ZYX: variants seen among roughly 807,000 people sequenced by gnomAD.
ZYX encodes zyxin-2.
In ZYX, 37 loss-of-function variants were observed where a neutral mutation model predicts 58.1. The ratio of observed to expected loss-of-function variants is 0.64; its 90% confidence interval spans 0.49 to 0.84. ZYX has a LOEUF of 0.84. Ranked by LOEUF, ZYX falls within the 40% of genes least tolerant of loss-of-function variation. The pLI, the probability that ZYX is intolerant of heterozygous loss-of-function variation, is 0.00. For missense variants in ZYX, 762 were observed against 761.6 expected, an observed-to-expected ratio of 1.00 and a Z score of -0.01; for synonymous variants, 324 against 321.1, an observed-to-expected ratio of 1.01 and a Z score of -0.10.
In ZYX at chr7:143,388,785, A is replaced by G. The variant is rs1421883916; in HGVS notation, c.1333A>G (p.Asn445Asp). 1 of 1,613,770 alleles carries G rather than the reference A, an allele frequency of 6.2e-7. No individual in the cohort carries two copies. The highest frequency in any genetic ancestry group is 8.5e-7 in the Non-Finnish European group (1 of 1,179,824). ...TCCTCAGGACACCCTGGAGAAGTGTAACACCTGCGGGGAGCCCATCACTGA... is the reference window on the plus strand; with the variant it reads ...TCCTCAGGACACCCTGGAGAAGTGTGACACCTGCGGGGAGCCCATCACTGA... ...GCYTDTLEKC[N>D]TCGEPITDRM... is the part of the protein sequence containing the mutation. The change falls in exon 8 of 10, where the codon AAC becomes GAC. Residue 445 changes from asparagine (N) to aspartate (D), a missense_variant. Transcript: ENST00000322764. This position sits in a 1 kb window ranked among gnomAD's most constrained non-coding sequence, Gnocchi z 7.5.
chr7:143,390,722 T>G lies in ZYX; in HGVS notation c.*40T>G. ...TCTTCAGACCGCAGTCCATGCCCCA[T>G]TGTGGACCACCCACACTGAGACCAC... On this transcript the variant is annotated 3_prime_UTR_variant, in exon 10 of 10. Transcript: ENST00000322764. This position sits in a 1 kb window ranked among gnomAD's most constrained non-coding sequence, Gnocchi z 4.3. 6.8e-7 allele frequency: 1 copy of G among 1,464,616 alleles called. No homozygotes were observed. The highest frequency in any genetic ancestry group is 9.3e-7 in the Non-Finnish European group (1 of 1,069,712). 90.7% of individuals were successfully genotyped at this position (1,464,616 alleles called of 1,614,324 possible).
chr7:143,383,430 G>A lies in ZYX; in HGVS notation c.1023+108G>A, dbSNP rs542542439. ...GATTGGAGAGTCAGGGTGGACACGG[G>A]GGTTGCGGGGTGGCGGGATAGGAAT... On this transcript the variant is annotated intron_variant, in intron 5 of 9. Coordinates refer to ENST00000322764, the MANE Select transcript of ZYX (RefSeq NM_003461.5). 4.4e-4 allele frequency: 598 copies of A among 1,358,374 alleles called. 1 individual carries two copies. The highest frequency in any genetic ancestry group is 5.5e-4 in the Non-Finnish European group (559 of 1,024,762). 84.1% of individuals were successfully genotyped at this position (1,358,374 alleles called of 1,614,324 possible).
chr7:143,390,461 C>A lies in ZYX; in HGVS notation c.1615-117C>A. On this transcript the variant is annotated intron_variant, in intron 9 of 9. Coordinates refer to ENST00000322764, the MANE Select transcript of ZYX (RefSeq NM_003461.5). This position sits in a 1 kb window ranked among gnomAD's most constrained non-coding sequence, Gnocchi z 4.3. ...GTGTGGCTGGAAAAAGCGATGACAC[C>A]AGCTCTGAGCCATGAAGCATCTTTC... 1 of 768,820 alleles carries A rather than the reference C, an allele frequency of 1.3e-6. No homozygotes were observed. Among genetic ancestry groups the A allele is most frequent in the Non-Finnish European group, 2.1e-6 (1 of 469,278 alleles). The allele number at this position is 768,820 out of a possible 1,614,324, so 47.6% of individuals were successfully genotyped here. A position where few individuals can be genotyped will look rare whatever the true frequency, so the allele number is the denominator to read the frequency against.
In ZYX at chr7:143,390,641, G is replaced by C. The variant is rs747069930; in HGVS notation, c.1678G>C (p.Val560Leu). The change falls in exon 10 of 10, where the codon GTG becomes CTG. Residue 560 changes from valine to leucine, a missense_variant. Physicochemically the swap from Val to Leu is conservative, Grantham distance 32. Transcript: ENST00000322764. The surrounding 1 kb of genome is among the most constrained non-coding windows in gnomAD (Gnocchi z 4.3). ...DNGCFPLDGH[V>L]LCRKCHTARA... The stretch of plus-strand genomic sequence containing the variant: ...TGGCTGCTTCCCCCTGGACGGTCAC[G>C]TGCTCTGTCGGAAGTGCCACACTGC... The C allele has an allele frequency of 1.3e-6, 2 of 1,588,008 alleles. No homozygotes were observed. Among genetic ancestry groups the C allele is most frequent in the Admixed American group, 1.8e-5 (1 of 56,086 alleles).
intron 5 of ZYX, 105 bp downstream of exon 5, chr7:143,383,427 C>G: frequency 1.9e-6 from 2 of 1,034,418 alleles, no homozygotes; most frequent in South Asian, 1.7e-5. Flanking sequence ...AGGGTGGACA[C>G]GGGGGTTGCG....
At chr7:143,381,880 G>T (rs1432062273) in intron 2 of ZYX, 101 bp downstream of exon 2, 1 of 1,160,146 alleles carries the variant, frequency 8.6e-7, no homozygotes, top group South Asian at 1.6e-5. Context: ...TGCCGAGGGG[G>T]CTGGGCGCAG....
rs201066030 is a variant in ZYX, at chr7:143,383,300, C to G, written c.1001C>G (p.Pro334Arg). 38 of 1,608,170 alleles carry G rather than the reference C, an allele frequency of 2.4e-5. No homozygotes were observed. In the African/African-American group the frequency reaches 4.3e-4, roughly 18 times the overall value. The change falls in exon 5 of 10, where the codon CCA (proline) becomes CGA (arginine). Residue 334 changes from proline (P) to arginine (R), a missense_variant. Transcript: ENST00000322764. ...RVQEKQHPVP[P>R]PAQNQNQVRS... ...CAGGAGAAGCAGCACCCCGTGCCCC[C>G]ACCGGCTCAGAACCAAAACCAGGTG...
intron 5 of ZYX, among the ~76,000 whole-genome samples, chr7:143,385,601 C>T (rs554609019): frequency 7.0e-6 from 1 of 143,864 alleles, no homozygotes; most frequent in Admixed American, 7.0e-5. Flanking sequence ...TACAAATACA[C>T]ACAAGTGGCG....
rs1237138948 is a variant in ZYX at position 143,389,245 on chromosome 7, G to T, written c.1493+300G>T. Among the ~76,000 whole-genome samples, 1 of 152,174 alleles carries T rather than the reference G, an allele frequency of 6.6e-6. No individual in the cohort carries two copies. The highest frequency in any genetic ancestry group is 2.4e-5 in the African/African-American group (1 of 41,414). ...GTGACTTCATCTCACACACAGGCTG[G>T]GTTCTAAAAGTTCTTTTGGAGATCA... is the stretch of plus-strand genomic sequence containing the variant. On this transcript the variant is annotated intron_variant, in intron 8 of 9. Coordinates refer to ENST00000322764, the MANE Select transcript of ZYX (RefSeq NM_003461.5). This position sits in a 1 kb window ranked among gnomAD's most constrained non-coding sequence, Gnocchi z 5.6.
chr7:143,388,295 T>C lies in ZYX; in HGVS notation c.1100T>C (p.Met367Thr). ...CTGGAGCAGCTGACCCAGCAGCTAA[T>C]GCAGGACATGGAGCATCCTCAGAGG... is the stretch of plus-strand genomic sequence containing the variant. ...EELEQLTQQL[M>T]QDMEHPQRQN... Residue 367 changes from methionine to threonine, a missense_variant, in exon 6 of 10, where the codon ATG becomes ACG. Physicochemically the swap from Met to Thr is moderately conservative, Grantham distance 81. Coordinates refer to ENST00000322764, the MANE Select transcript of ZYX (RefSeq NM_003461.5). This position sits in a 1 kb window ranked among gnomAD's most constrained non-coding sequence, Gnocchi z 7.5. 1 of 1,613,792 alleles carries C rather than the reference T, an allele frequency of 6.2e-7. No homozygotes were observed. Among genetic ancestry groups the C allele is most frequent in the African/African-American group, 1.3e-5 (1 of 74,946 alleles).
At chr7:143,383,992 T>A (rs1404653259) in intron 5 of ZYX, 1 of 329,100 alleles carries the variant, frequency 3.0e-6, no homozygotes, top group African/African-American at 2.2e-5. Flanking sequence ...TTGTGAAGAT[T>A]GGGTGAGCTA....
rs773977946 is a variant in ZYX at position 143,388,536 on chromosome 7, G to A, written c.1192G>A (p.Val398Ile). 21 of 1,610,590 alleles carry A rather than the reference G, an allele frequency of 1.3e-5. No individual in the cohort carries two copies. The highest frequency in any genetic ancestry group is 5.3e-5 in the African/African-American group (4 of 74,922). ...HQPLARAQPA[V>I]RALGQLFHIA... ...ACCCCTGGCCCGGGCGCAGCCAGCC[G>A]TCCGCGCTCTAGGGCAGCTGTTCCA... is the stretch of plus-strand genomic sequence containing the variant. Residue 398 changes from valine to isoleucine, a missense_variant, in exon 7 of 10, where the codon GTC (valine) becomes ATC (isoleucine). Val to Ile is a conservative substitution (Grantham distance 29). Coordinates refer to ENST00000322764, the MANE Select transcript of ZYX (RefSeq NM_003461.5). The surrounding 1 kb of genome is among the most constrained non-coding windows in gnomAD (Gnocchi z 7.5).
chr7:143,390,522 G>A lies in ZYX; in HGVS notation c.1615-56G>A. On this transcript the variant is annotated intron_variant, in intron 9 of 9. Coordinates refer to ENST00000322764, the MANE Select transcript of ZYX (RefSeq NM_003461.5). The surrounding 1 kb of genome is among the most constrained non-coding windows in gnomAD (Gnocchi z 4.3). ...ATGGAGCTGGATGGGGTGGGGTAGG[G>A]TGGAGCAGAGCAGGGGCCTTCCGGT... 2 of 1,315,006 alleles carry A rather than the reference G, an allele frequency of 1.5e-6. No individual in the cohort carries two copies. Among genetic ancestry groups the A allele is most frequent in the South Asian group, 2.5e-5 (2 of 78,862 alleles). The allele number at this position is 1,315,006 out of a possible 1,614,324, so 81.5% of individuals were successfully genotyped here.
Position 143,388,468 on chromosome 7 carries a change from T to C in ZYX, c.1145-21T>C, listed in dbSNP as rs754182486. ...CTACATACTTCCTTCTATTTACTGC[T>C]GTCTTCTCTGGCCTTCCCAGAACTC... On this transcript the variant is annotated intron_variant, in intron 6 of 9. Transcript: ENST00000322764. The surrounding 1 kb of genome is among the most constrained non-coding windows in gnomAD (Gnocchi z 7.5). 1.9e-6 allele frequency: 3 copies of C among 1,608,228 alleles called. No individual in the cohort carries two copies. The highest frequency in any genetic ancestry group is 2.5e-6 in the Non-Finnish European group (3 of 1,176,800).
Position 143,382,583 on chromosome 7 carries a change from G to A in ZYX, c.409-10G>A. ...GCATGGAATAGGTGCTCTGACCTCT[G>A]ACCCTCTAGCCCAGGGAGAAGGTGA... On this transcript the variant is annotated splice_polypyrimidine_tract_variant and intron_variant, in intron 3 of 9. Transcript: ENST00000322764. 6.2e-7 allele frequency: 1 copy of A among 1,613,568 alleles called. No individual in the cohort carries two copies. Among genetic ancestry groups the A allele is most frequent in the Non-Finnish European group, 8.5e-7 (1 of 1,179,636 alleles).
chr7:143,387,720 T>G lies in ZYX; in HGVS notation c.1024-499T>G, dbSNP rs1804915846. ...GTTCTTGCAGACAGCTCAGTGGGTTTAACCTGCAATTCCTGCCTGTGTTGT... is the reference window on the plus strand; with the variant it reads ...GTTCTTGCAGACAGCTCAGTGGGTTGAACCTGCAATTCCTGCCTGTGTTGT... On this transcript the variant is annotated intron_variant, in intron 5 of 9. Coordinates refer to ENST00000322764, the MANE Select transcript of ZYX (RefSeq NM_003461.5). This position sits in a 1 kb window ranked among gnomAD's most constrained non-coding sequence, Gnocchi z 5.8. 1 of 471,154 alleles carries G rather than the reference T, an allele frequency of 2.1e-6. No individual in the cohort carries two copies. Among genetic ancestry groups the G allele is most frequent in the Non-Finnish European group, 4.4e-6 (1 of 227,072 alleles). 29.2% of individuals were successfully genotyped at this position (471,154 alleles called of 1,614,324 possible). A position where few individuals can be genotyped will look rare whatever the true frequency, so the allele number is the denominator to read the frequency against.
rs1380902453 is a variant in ZYX, at chr7:143,387,873, C to T, written c.1024-346C>T. 1.0e-5 allele frequency: 5 copies of T among 494,230 alleles called. No individual in the cohort carries two copies. Among genetic ancestry groups the T allele is most frequent in the East Asian group, 6.0e-5 (1 of 16,608 alleles). The allele number at this position is 494,230 out of a possible 1,614,324, so 30.6% of individuals were successfully genotyped here. ...CCGAGCATGCTCTGTGGAGTTGATG[C>T]GTGGCCCTGGAGTGTCCGGTGCTTC... On this transcript the variant is annotated intron_variant, in intron 5 of 9. Transcript: ENST00000322764. This position sits in a 1 kb window ranked among gnomAD's most constrained non-coding sequence, Gnocchi z 5.8.
chr7:143,383,065 C>G lies in ZYX; in HGVS notation c.766C>G (p.Pro256Ala). Residue 256 changes from proline to alanine, a missense_variant, in exon 5 of 10, where the codon CCA (proline) becomes GCA (alanine). Transcript: ENST00000322764. The stretch of plus-strand genomic sequence containing the variant: ...GGCTAACACCCAGCCCCGAGGGCCC[C>G]CAGCCTCATCTCCGGCTCCAGCCCC... Reference protein sequence around the residue: ...SLANTQPRGPPASSPAPAPKF... With the variant: ...SLANTQPRGPAASSPAPAPKF... 6.2e-7 allele frequency: 1 copy of G among 1,614,230 alleles called. No individual in the cohort carries two copies. Among genetic ancestry groups the G allele is most frequent in the Non-Finnish European group, 8.5e-7 (1 of 1,180,040 alleles).
chr7:143,382,687 T>A lies in ZYX; in HGVS notation c.501+2T>A. 6.2e-7 allele frequency: 1 copy of A among 1,613,776 alleles called. No homozygotes were observed. The highest frequency in any genetic ancestry group is 8.5e-7 in the Non-Finnish European group (1 of 1,179,824). ...AAGAATGATCCTTTCAAAGCCCGGG[T>A]AAGGGACCGGAGAGTAGGAAAAGCA... On this transcript the variant is annotated splice_donor_variant, in intron 4 of 9. Coordinates refer to ENST00000322764, the MANE Select transcript of ZYX (RefSeq NM_003461.5). LOFTEE classifies it high-confidence loss of function.
Sources: gnomAD v4.1 joint callset for allele counts (sites outside exome capture counted in the v4.1 genomes callset) on GRCh38, gnomAD v4.1.1 for gene constraint, Gnocchi (gnomAD v3.1) non-coding constraint, MANE v1.5 for transcripts, NCBI Gene and HGNC (gene_info 2026-07-23, HGNC 2026-07-21) for gene names.